Variants in MTCL1 observed in about 807,000 individuals in gnomAD.
MTCL1 encodes the protein microtubule cross-linking factor 1.
MTCL1 carries 79 observed loss-of-function variants against 141.4 expected under a neutral mutation model. The observed-to-expected ratio is 0.56, with a 90% CI of 0.47 to 0.67. The LOEUF (loss-of-function observed/expected upper bound fraction) is 0.67. Ranked by LOEUF, MTCL1 falls within the 30% of genes least tolerant of loss-of-function variation. The pLI, the probability that MTCL1 is intolerant of heterozygous loss-of-function variation, is 0.00. For synonymous variants in MTCL1, 914 were observed against 875.8 expected (o/e 1.04, Z -0.77); for missense variants, 2,177 against 2,113.9 (o/e 1.03, Z -0.59).
chr18:8,749,406 A>G (rs1056704249), intron 4 of MTCL1, among the ~76,000 whole-genome samples: 6 of 152,214 alleles, frequency 3.9e-5, no homozygotes, highest in Non-Finnish European at 7.3e-5. Flanking sequence ...GACGGACCAC[A>G]TGGATCTAGG....
chr18:8,719,997 G>A (rs1338423188), intron 3 of MTCL1: 12 of 199,760 alleles, frequency 6.0e-5, no homozygotes, highest in Non-Finnish European at 1.2e-4. Flanking sequence ...AGGGAGGAGG[G>A]TTATCCAAAG....
chr18:8,797,566 T>C (rs570611), intron 9 of MTCL1, among the ~76,000 whole-genome samples: 103,467 of 151,896 alleles, frequency 0.68, 35,466 homozygotes, highest in Middle Eastern at 0.75. Context: ...TTGTGAATAC[T>C]TGGTTTCTTT....
chr18:8,785,006 G>T (rs2096546558), intron 6 of MTCL1, among the ~76,000 whole-genome samples, 163 bp downstream of exon 5: 1 of 145,206 alleles, frequency 6.9e-6, no homozygotes, highest in African/African-American at 2.5e-5. Context: ...CTCTTGGTTG[G>T]GCTCCGTTTT....
intron 4 of MTCL1, among the ~76,000 whole-genome samples, chr18:8,748,599 C>T (rs978909191): frequency 2.8e-4 from 42 of 151,990 alleles, no homozygotes; most frequent in Middle Eastern, 3.2e-3. Context: ...CACACATATA[C>T]ACACATATAT....
chr18:8,827,455 A>G (rs1323557252), intron 15 of MTCL1, among the ~76,000 whole-genome samples: 1 of 152,240 alleles, frequency 6.6e-6, no homozygotes, highest in African/African-American at 2.4e-5. Context: ...CACCTAATAC[A>G]AATATTGATA....
intron 15 of MTCL1, among the ~76,000 whole-genome samples, chr18:8,826,878 A>G (rs1173222685): frequency 1.3e-5 from 2 of 152,242 alleles, no homozygotes; most frequent in East Asian, 3.8e-4. Context: ...TTACTCACAA[A>G]TCAATCCACT....
exon 5 of MTCL1, chr18:8,777,884 T>C: frequency 6.2e-7 from 1 of 1,613,676 alleles, no homozygotes; most frequent in Non-Finnish European, 8.5e-7. Context: ...GAAGAAAACC[T>C]TTAACCAGGT....
chr18:8,792,432 A>T (rs1166917688), intron 7 of MTCL1, among the ~76,000 whole-genome samples: 1 of 152,240 alleles, frequency 6.6e-6, no homozygotes, highest in Non-Finnish European at 1.5e-5. Context: ...GAAGCCGTGC[A>T]TCTCTGCTCA....
chr18:8,825,393 A>G (rs752766924), exon 15 of MTCL1: 1 of 1,541,714 alleles, frequency 6.5e-7, no homozygotes, highest in Non-Finnish European at 8.7e-7. Flanking sequence ...CAGGAATGCC[A>G]TCTGCTCCGG....
At chr18:8,803,229 T>A (rs471016) in intron 10 of MTCL1, among the ~76,000 whole-genome samples, 2 of 151,274 alleles carry the variant, frequency 1.3e-5, no homozygotes, top group South Asian at 2.1e-4. Flanking sequence ...CGAATATTCC[T>A]GGCTCGGTTT....
chr18:8,773,790 T>C (rs1248026284), intron 4 of MTCL1, among the ~76,000 whole-genome samples: 1 of 152,230 alleles, frequency 6.6e-6, no homozygotes, highest in Non-Finnish European at 1.5e-5. Context: ...CATCCTTTCC[T>C]CACTAGTTCA....
intron 4 of MTCL1, among the ~76,000 whole-genome samples, chr18:8,732,445 CAA>C (rs2096255396): frequency 6.6e-6 from 1 of 151,940 alleles, no homozygotes; most frequent in Admixed American, 6.6e-5. Context: ...AGTGCAGAAT[CAA>C]GAGTCAGAGA....
At chr18:8,800,154 G>A (rs2076067811) in intron 10 of MTCL1, among the ~76,000 whole-genome samples, 5 of 152,192 alleles carry the variant, frequency 3.3e-5, no homozygotes, top group Admixed American at 3.3e-4. Flanking sequence ...GAACATTCCC[G>A]GTTAGAGGAT....
At position 8,728,719 on chromosome 18, in the gene MTCL1, TC is replaced by T. The variant is rs1233635397; in HGVS notation, c.357+8224del. Among the ~76,000 whole-genome samples, 105 of 138,152 alleles carry T rather than the reference TC, an allele frequency of 7.6e-4. 7 individuals carry two copies. The East Asian group carries it at 0.02, about 26-fold the overall frequency. 90.6% of individuals were successfully genotyped at this position (138,152 alleles called of 152,430 possible). On this transcript the variant is annotated intron_variant, in intron 4 of 16. Transcript: ENST00000359865. ...TGTGGGGCCTTCTTATGTTGTCCAT[TC>T]TTTTTTTTTTTTTTTTTTTTTTTTT... is the stretch of plus-strand genomic sequence containing the variant.
Position 8,809,761 on chromosome 18 carries a change from G to A in MTCL1, c.2604+2701G>A, listed in dbSNP as rs532744822. The stretch of plus-strand genomic sequence containing the variant: ...GATGGGCCATCACTGAGACAGGAAC[G>A]CAGAGAGACAACCAGTTGGGATGGA... On this transcript the variant is annotated intron_variant, in intron 11 of 16. Transcript: ENST00000359865. 315 of 744,700 alleles carry A rather than the reference G, an allele frequency of 4.2e-4. 1 individual carries two copies. In the African/African-American group the frequency reaches 4.7e-3, roughly 11 times the overall value. The allele number at this position is 744,700 out of a possible 1,614,324, so 46.1% of individuals were successfully genotyped here. A position where few individuals can be genotyped will look rare whatever the true frequency, so the allele number is the denominator to read the frequency against.
chr18:8,818,989 A>G, exon 13 of MTCL1: 1 of 1,613,902 alleles, frequency 6.2e-7, no homozygotes, highest in Non-Finnish European at 8.5e-7. Context: ...GTCCCCGGAG[A>G]GGTGGCAGTT....
chr18:8,807,106 C>A, intron 11 of MTCL1, 46 bp downstream of exon 10: 1 of 1,575,324 alleles, frequency 6.3e-7, no homozygotes, highest in Non-Finnish European at 8.6e-7. Flanking sequence ...TGTGTCTCTG[C>A]TGTCCAGGAT....
exon 15 of MTCL1, chr18:8,824,934 G>C: frequency 6.2e-7 from 1 of 1,613,748 alleles, no homozygotes; most frequent in Non-Finnish European, 8.5e-7. Flanking sequence ...GGGGCGGGCA[G>C]GGCACGAGGA....
intron 4 of MTCL1, among the ~76,000 whole-genome samples, chr18:8,768,570 T>C (rs1287047152): frequency 1.3e-5 from 2 of 152,232 alleles, no homozygotes; most frequent in Admixed American, 6.5e-5. Flanking sequence ...TCACATTACA[T>C]GCATCTGAAA....
Sources: allele counts gnomAD v4.1 joint callset (sites outside exome capture counted in the v4.1 genomes callset), GRCh38; gene constraint gnomAD v4.1.1; transcripts MANE v1.5; gene names NCBI Gene and HGNC (gene_info 2026-07-23, HGNC 2026-07-21).